Variants in ARMC9 observed in about 807,000 individuals in gnomAD.
ARMC9 encodes lisH domain-containing protein ARMC9.
Under a neutral mutation model 107.0 loss-of-function variants are expected in ARMC9, and 94 were observed. The observed-to-expected ratio is 0.88, with a 90% confidence interval of 0.74 to 1.04. The LOEUF (loss-of-function observed/expected upper bound fraction) is 1.04. Among genes scored for constraint, ARMC9 ranks in the 50% least tolerant of loss-of-function variants. The pLI, the probability that ARMC9 is intolerant of heterozygous loss-of-function variation, is 0.00. For synonymous variants in ARMC9, 380 were observed against 396.9 expected, an observed-to-expected ratio of 0.96 and a Z score of 0.51; for missense variants, 942 against 1,030.1, an observed-to-expected ratio of 0.91 and a Z score of 1.17.
rs758119001 is a variant in ARMC9 at position 231,270,330 on chromosome 2, C to T, written c.1120-652C>T. 5.6e-4 allele frequency among the ~76,000 whole-genome samples: 85 copies of T among 152,256 alleles called. 1 individual carries two copies. The highest frequency in any genetic ancestry group is 4.1e-4 in the Non-Finnish European group (28 of 68,044). ...CCCTCACAAGGGAACACCCTCTCCCCAGCCCTGTGCTGAGAGGTGTGCAGG... is the reference window on the plus strand; with the variant it reads ...CCCTCACAAGGGAACACCCTCTCCCTAGCCCTGTGCTGAGAGGTGTGCAGG... On this transcript the variant is annotated intron_variant, in intron 12 of 24. Coordinates refer to ENST00000611582, the MANE Select transcript of ARMC9 (RefSeq NM_001352754.2).
At chr2:231,251,052 G>C (rs2037248573) in intron 9 of ARMC9, among the ~76,000 whole-genome samples, 1 of 152,190 alleles carries the variant, frequency 6.6e-6, no homozygotes, top group African/African-American at 2.4e-5. Context: ...CCTGAATGGA[G>C]CCCCTGGCAT....
intron 21 of ARMC9, among the ~76,000 whole-genome samples, chr2:231,353,350 C>T (rs2045186781): frequency 8.1e-6 from 1 of 123,892 alleles, no homozygotes; most frequent in Non-Finnish European, 1.5e-5. Context: ...CCACGCCCGG[C>T]TATTTTTTTG....
intron 20 of ARMC9, among the ~76,000 whole-genome samples, chr2:231,332,220 T>C (rs1288552132): frequency 2.0e-5 from 3 of 152,232 alleles, no homozygotes; most frequent in Non-Finnish European, 4.4e-5. Context: ...GCATGCCTTA[T>C]GTATTGGAAG....
chr2:231,316,332 A>G (rs2125524816), intron 19 of ARMC9, among the ~76,000 whole-genome samples: 1 of 151,702 alleles, frequency 6.6e-6, no homozygotes, highest in South Asian at 2.1e-4. Flanking sequence ...TGGTCAAAAC[A>G]CCTTCATTTT....
At chr2:231,232,670 T>C (rs9973970) in intron 7 of ARMC9, among the ~76,000 whole-genome samples, 77,279 of 151,518 alleles carry the variant, frequency 0.51, 22,718 homozygotes, top group African/African-American at 0.81. Flanking sequence ...AGACTGGTCT[T>C]GAACTGCTGA....
chr2:231,256,629 C>T lies in ARMC9; in HGVS notation c.914+9C>T, dbSNP rs1169344470. 2 of 1,613,392 alleles carry T rather than the reference C, an allele frequency of 1.2e-6. No individual in the cohort carries two copies. Among genetic ancestry groups the T allele is most frequent in the South Asian group, 1.1e-5 (1 of 91,062 alleles). On this transcript the variant is annotated intron_variant, in intron 10 of 24. Coordinates refer to ENST00000611582, the MANE Select transcript of ARMC9 (RefSeq NM_001352754.2). ...GCCTCCTTGGCACCCGTGTAAGTAA[C>T]TGCTCTTAGGAATTTTTATTAAGGA...
rs140322721 is a variant in ARMC9, at chr2:231,317,103, G to T, written c.1774-14690G>T. Among the ~76,000 whole-genome samples, 331 of 151,726 alleles carry T rather than the reference G, an allele frequency of 2.2e-3. 3 individuals are homozygous for T. Among genetic ancestry groups the T allele is most frequent in the African/African-American group, 7.6e-3 (316 of 41,370 alleles). On this transcript the variant is annotated intron_variant, in intron 19 of 24. Transcript: ENST00000611582. ...TACTTTTGAATATTTTTTTTCTTTGGTTCTTAGCGGTTTGTCTATGATGTA... is the reference window on the plus strand; with the variant it reads ...TACTTTTGAATATTTTTTTTCTTTGTTTCTTAGCGGTTTGTCTATGATGTA...
chr2:231,320,167 C>T (rs1362632438), intron 19 of ARMC9, among the ~76,000 whole-genome samples: 1 of 152,220 alleles, frequency 6.6e-6, no homozygotes, highest in Admixed American at 6.5e-5. Flanking sequence ...CTGTGTGTTT[C>T]TCCTTCCTTT....
chr2:231,248,049 G>A (rs960688449), intron 9 of ARMC9, among the ~76,000 whole-genome samples: 2 of 152,238 alleles, frequency 1.3e-5, no homozygotes, highest in Non-Finnish European at 2.9e-5. Flanking sequence ...ATGAATGCCT[G>A]ACAGCTTCAC....
chr2:231,203,458 GC>G (rs2031414356), intron 1 of ARMC9, among the ~76,000 whole-genome samples: 1 of 152,174 alleles, frequency 6.6e-6, no homozygotes, highest in Admixed American at 6.5e-5. Flanking sequence ...GATGCTCATG[GC>G]TGGCGTGGCC....
At chr2:231,266,849 G>A (rs1024441208) in intron 12 of ARMC9, among the ~76,000 whole-genome samples, 2 of 152,074 alleles carry the variant, frequency 1.3e-5, no homozygotes, top group Non-Finnish European at 2.9e-5. Context: ...CTCTTCCTCC[G>A]TCAGTAGAAG....
chr2:231,211,403 GCA>G (rs1418051797), intron 3 of ARMC9, among the ~76,000 whole-genome samples: 1 of 151,836 alleles, frequency 6.6e-6, no homozygotes, highest in Non-Finnish European at 1.5e-5. Flanking sequence ...ATAGTGGCAG[GCA>G]CCTGTAATCC....
In ARMC9 at chr2:231,356,552, A is replaced by G. The variant is rs1047935287; in HGVS notation, c.2131+618A>G. ...AATTTCCATTTGAGTAGGAAAAACA[A>G]CAGAGGAACGGGTTGGATTCCTGTC... On this transcript the variant is annotated intron_variant, in intron 22 of 24. Coordinates refer to ENST00000611582, the MANE Select transcript of ARMC9 (RefSeq NM_001352754.2). 6.3e-4 allele frequency among the ~76,000 whole-genome samples: 96 copies of G among 152,196 alleles called. 7 individuals carry two copies. Among genetic ancestry groups the G allele is most frequent in the Non-Finnish European group, 4.4e-5 (3 of 68,038 alleles).
chr2:231,239,930 ATCC>A lies in ARMC9; in HGVS notation c.781-8_781-6del, dbSNP rs779365675. 2.9e-4 allele frequency: 471 copies of A among 1,609,578 alleles called. No individual in the cohort carries two copies. The highest frequency in any genetic ancestry group is 3.8e-4 in the Non-Finnish European group (445 of 1,176,282). ...TCATGCCATCACCAGATGTCTTTGT[ATCC>A]TCCTTGCAGATCACCCCTGAGTACC... On this transcript the variant is annotated splice_polypyrimidine_tract_variant and intron_variant, in intron 8 of 24. Coordinates refer to ENST00000611582, the MANE Select transcript of ARMC9 (RefSeq NM_001352754.2).
rs572731837 is a variant in ARMC9 at position 231,363,372 on chromosome 2, G to A, written c.2261+2489G>A. On this transcript the variant is annotated intron_variant, in intron 23 of 24. Transcript: ENST00000611582. ...TTGGTGGATGGGCAGGAAGCCCTTG[G>A]GGCAGAGGTCTGGGGTCAGTGGTAG... Among the ~76,000 whole-genome samples the A allele has an allele frequency of 1.5e-3, 234 of 152,320 alleles. 1 individual carries two copies. The highest frequency in any genetic ancestry group is 4.2e-3 in the African/African-American group (174 of 41,584).
intron 1 of ARMC9, among the ~76,000 whole-genome samples, chr2:231,200,957 G>C (rs1182363499): frequency 1.3e-5 from 2 of 152,176 alleles, no homozygotes; most frequent in Admixed American, 1.3e-4. Flanking sequence ...TTGCCTGGGG[G>C]GGCAGAGCAT....
chr2:231,225,907 A>G (rs770656085), intron 6 of ARMC9, among the ~76,000 whole-genome samples: 1 of 152,202 alleles, frequency 6.6e-6, no homozygotes, highest in Non-Finnish European at 1.5e-5. Flanking sequence ...CCCATGCTGG[A>G]GTGAAATGGC....
intron 21 of ARMC9, among the ~76,000 whole-genome samples, chr2:231,348,464 T>G (rs75912347): frequency 0.08 from 12,231 of 152,260 alleles, 1,455 homozygotes; most frequent in African/African-American, 0.26. Flanking sequence ...GTGGTAAGAC[T>G]GCAAATTATG....
intron 20 of ARMC9, among the ~76,000 whole-genome samples, chr2:231,339,182 G>A (rs771996711): frequency 3.7e-4 from 56 of 151,632 alleles, no homozygotes; most frequent in South Asian, 6.3e-4. Context: ...ACAAAAATTA[G>A]CCAGGCGTGG....
Sources: allele counts gnomAD v4.1 joint callset (sites outside exome capture counted in the v4.1 genomes callset), GRCh38; gene constraint gnomAD v4.1.1; transcripts MANE v1.5; gene names NCBI Gene and HGNC (gene_info 2026-07-23, HGNC 2026-07-21).